TMEM132D: variants seen among roughly 807,000 people sequenced by gnomAD.
TMEM132D encodes the protein mature OL transmembrane protein.
A neutral mutation model predicts 62.3 loss-of-function variants in TMEM132D; 21 were observed. The observed-to-expected ratio is 0.34, with a 90% CI of 0.24 to 0.49. The LOEUF (loss-of-function observed/expected upper bound fraction) is 0.49, where lower values mean the gene tolerates loss of function less well. Ranked by LOEUF, TMEM132D falls within the 20% of genes least tolerant of loss-of-function variation. TMEM132D has a pLI of 0.99. For synonymous variants in TMEM132D, 621 were observed against 575.6 expected, an observed-to-expected ratio of 1.08 and a Z score of -1.13; for missense variants, 1,346 against 1,402.8, an observed-to-expected ratio of 0.96 and a Z score of 0.65.
At chr12:129,324,179 T>A (rs1196116367) in intron 4 of TMEM132D, among the ~76,000 whole-genome samples, 1 of 152,068 alleles carries the variant, frequency 6.6e-6, no homozygotes, top group Non-Finnish European at 1.5e-5. Context: ...TTATGATGAG[T>A]TTAGGAAGTC....
At chr12:129,675,786 A>G (rs1205592732) in intron 2 of TMEM132D, among the ~76,000 whole-genome samples, 1 of 152,184 alleles carries the variant, frequency 6.6e-6, no homozygotes, top group Non-Finnish European at 1.5e-5. Context: ...CCACACACAG[A>G]CACAACCAGG....
At position 129,339,887 on chromosome 12, in the gene TMEM132D, C is replaced by T. The variant is rs541378112; in HGVS notation, c.1116-2070G>A. 2.6e-5 allele frequency among the ~76,000 whole-genome samples: 4 copies of T among 152,178 alleles called. No homozygotes were observed. The South Asian group carries it at 8.3e-4, about 32-fold the overall frequency. Reference sequence around the variant, plus strand: ...TGTAGCTCATTGTACACAATAACTGCCCATATGTCCACATCACATTCTACC... The same window carrying T: ...TGTAGCTCATTGTACACAATAACTGTCCATATGTCCACATCACATTCTACC... On this transcript the variant is annotated intron_variant, in intron 3 of 8. Coordinates refer to ENST00000422113, the MANE Select transcript of TMEM132D (RefSeq NM_133448.3).
At chr12:129,709,563 G>C (rs1565957568) in intron 1 of TMEM132D, among the ~76,000 whole-genome samples, 1 of 152,174 alleles carries the variant, frequency 6.6e-6, no homozygotes, top group Non-Finnish European at 1.5e-5. Flanking sequence ...GTTCCCAAAG[G>C]AAAACATCTC....
intron 5 of TMEM132D, among the ~76,000 whole-genome samples, chr12:129,097,829 A>G (rs1038680850): frequency 6.6e-6 from 1 of 152,232 alleles, no homozygotes; most frequent in African/African-American, 2.4e-5. Flanking sequence ...TCAAAAACAC[A>G]TATTTTTGGG....
At chr12:129,430,473 T>C (rs973223146) in intron 3 of TMEM132D, among the ~76,000 whole-genome samples, 6 of 152,216 alleles carry the variant, frequency 3.9e-5, no homozygotes, top group African/African-American at 1.4e-4. Context: ...TTCTGCATAT[T>C]AGCCCTTTGT....
intron 2 of TMEM132D, among the ~76,000 whole-genome samples, chr12:129,570,666 T>G (rs1033918455): frequency 6.6e-6 from 1 of 152,224 alleles, no homozygotes; most frequent in African/African-American, 2.4e-5. Context: ...GACTGGTGGT[T>G]AAAGACTGCA....
chr12:129,892,176 T>C (rs1381943732), intron 1 of TMEM132D, among the ~76,000 whole-genome samples: 1 of 152,192 alleles, frequency 6.6e-6, no homozygotes, highest in Non-Finnish European at 1.5e-5. Context: ...GCTAAACAGG[T>C]GGCCACTTAT....
At chr12:129,212,946 C>T (rs1177569139) in intron 4 of TMEM132D, among the ~76,000 whole-genome samples, 1 of 152,124 alleles carries the variant, frequency 6.6e-6, no homozygotes, top group Non-Finnish European at 1.5e-5. Flanking sequence ...GAAATAATGA[C>T]CCATGTCTTA....
At chr12:129,378,910 C>T (rs113141356) in intron 3 of TMEM132D, among the ~76,000 whole-genome samples, 18 of 152,236 alleles carry the variant, frequency 1.2e-4, no homozygotes, top group Admixed American at 2.0e-4. Context: ...TGCAATGTCT[C>T]GGCGTTCTTT....
chr12:129,768,860 G>C (rs577458139), intron 1 of TMEM132D, among the ~76,000 whole-genome samples: 3 of 152,228 alleles, frequency 2.0e-5, no homozygotes, highest in Non-Finnish European at 4.4e-5. Context: ...AGGTGATACA[G>C]ATATATCGTG....
At chr12:129,205,603 T>C (rs376608442) in intron 5 of TMEM132D, among the ~76,000 whole-genome samples, 1 of 152,066 alleles carries the variant, frequency 6.6e-6, no homozygotes, top group East Asian at 1.9e-4. Flanking sequence ...ATTAGACAAA[T>C]CATTGAAGCA....
chr12:129,620,682 G>A (rs1342216327), intron 2 of TMEM132D, among the ~76,000 whole-genome samples: 2 of 152,308 alleles, frequency 1.3e-5, no homozygotes, highest in Non-Finnish European at 2.9e-5. Context: ...GGACATGGAT[G>A]GAGCTGGAAG....
Position 129,725,031 on chromosome 12 carries a change from G to C in TMEM132D, c.80-24333C>G. ...CCCCAGAGCCCCTGGGCTACCCTCTGGTTGTCTCTTCCCTACTCCAGTAAG... is the reference window on the plus strand; with the variant it reads ...CCCCAGAGCCCCTGGGCTACCCTCTCGTTGTCTCTTCCCTACTCCAGTAAG... On this transcript the variant is annotated intron_variant, in intron 1 of 8. Transcript: ENST00000422113. Among the ~76,000 whole-genome samples the C allele has an allele frequency of 1.3e-5, 2 of 152,274 alleles. 1 individual carries two copies. Among genetic ancestry groups the C allele is most frequent in the Admixed American group, 1.3e-4 (2 of 15,294 alleles).
chr12:129,835,048 G>C (rs1256171021), intron 1 of TMEM132D, among the ~76,000 whole-genome samples: 1 of 152,150 alleles, frequency 6.6e-6, no homozygotes, highest in Non-Finnish European at 1.5e-5. Flanking sequence ...GTATGCACTA[G>C]GACACATGCC....
At chr12:129,520,381 G>T (rs1875815353) in intron 3 of TMEM132D, among the ~76,000 whole-genome samples, 1 of 152,146 alleles carries the variant, frequency 6.6e-6, no homozygotes, top group Non-Finnish European at 1.5e-5. Context: ...CCCCAGAACT[G>T]GCTGCAAACA....
intron 1 of TMEM132D, among the ~76,000 whole-genome samples, chr12:129,841,151 G>A (rs1361722443): frequency 6.6e-6 from 1 of 152,150 alleles, no homozygotes; most frequent in Non-Finnish European, 1.5e-5. Context: ...GCGCACCCCT[G>A]TGTATATACA....
At chr12:129,574,602 T>A (rs1173423064) in intron 2 of TMEM132D, among the ~76,000 whole-genome samples, 2 of 151,778 alleles carry the variant, frequency 1.3e-5, no homozygotes, top group Non-Finnish European at 1.5e-5. Context: ...AGGGGTGAGA[T>A]GTTATGAATG....
At chr12:129,114,394 T>C (rs111808521) in intron 5 of TMEM132D, among the ~76,000 whole-genome samples, 2,895 of 146,384 alleles carry the variant, frequency 0.02, 89 homozygotes, top group African/African-American at 0.069. Context: ...AACTCCTTCC[T>C]TCCTTCCCTC....
At chr12:129,323,233 T>G (rs1430937235) in intron 4 of TMEM132D, among the ~76,000 whole-genome samples, 1 of 152,150 alleles carries the variant, frequency 6.6e-6, no homozygotes, top group Non-Finnish European at 1.5e-5. Flanking sequence ...CTATTTACCT[T>G]ACTCGTGTTT....
Sources: gnomAD v4.1 joint callset for allele counts (sites outside exome capture counted in the v4.1 genomes callset) on GRCh38, gnomAD v4.1.1 for gene constraint, MANE v1.5 for transcripts, NCBI Gene and HGNC (gene_info 2026-07-23, HGNC 2026-07-21) for gene names.